RAB10: variants seen among roughly 807,000 people sequenced by gnomAD.
RAB10 encodes the protein RAB10, member RAS oncogene family.
In RAB10, 5 loss-of-function variants were observed where a neutral mutation model predicts 25.7. That is an observed-to-expected ratio of 0.19 (90% confidence interval 0.10 to 0.41). The LOEUF (loss-of-function observed/expected upper bound fraction) is 0.41, where lower values mean the gene tolerates loss of function less well. Ranked by LOEUF, RAB10 falls within the 10% of genes least tolerant of loss-of-function variation. RAB10 has a pLI of 1.00. For missense variants in RAB10, 103 were observed against 245.8 expected (o/e 0.42, Z 3.89); for synonymous variants, 89 against 86.4 (o/e 1.03, Z -0.16).
intron 3 of RAB10, among the ~76,000 whole-genome samples, chr2:26,112,850 G>A (rs937388316): frequency 4.6e-5 from 7 of 152,180 alleles, no homozygotes; most frequent in Non-Finnish European, 1.0e-4. Context: ...GGAGGCTGAG[G>A]CAGGCGGATC....
intron 3 of RAB10, 87 bp from the exon 4 acceptor site, chr2:26,127,057 C>T: frequency 9.9e-7 from 1 of 1,011,978 alleles, no homozygotes; most frequent in Non-Finnish European, 1.5e-6. Context: ...AAATGACCCT[C>T]TAAATTGAGA....
intron 1 of RAB10, among the ~76,000 whole-genome samples, chr2:26,049,029 C>G (rs1666076324): frequency 6.6e-6 from 1 of 152,124 alleles, no homozygotes; most frequent in African/African-American, 2.4e-5. Flanking sequence ...GGACTTTCCT[C>G]TCTTTTTGTG....
chr2:26,082,249 T>C (rs924135464), intron 1 of RAB10, among the ~76,000 whole-genome samples: 6 of 152,088 alleles, frequency 3.9e-5, no homozygotes, highest in Non-Finnish European at 8.8e-5. Context: ...TTAAAAGTGG[T>C]ATAATACCAT....
Position 26,070,904 on chromosome 2 carries a change from A to C in RAB10, c.128-27758A>C, listed in dbSNP as rs555980562. 6.6e-5 allele frequency among the ~76,000 whole-genome samples: 10 copies of C among 152,320 alleles called. No homozygotes were observed. In the East Asian group the frequency reaches 1.9e-3, roughly 29 times the overall value. On this transcript the variant is annotated intron_variant, in intron 1 of 5. Transcript: ENST00000264710. ...TTTGACCAGAAGGTCAAAACTTTTC[A>C]TAATAATTCTAAGACATTTGCCTTT...
intron 1 of RAB10, among the ~76,000 whole-genome samples, chr2:26,045,309 G>A (rs966047921): frequency 4.0e-5 from 6 of 150,962 alleles, no homozygotes; most frequent in Non-Finnish European, 8.8e-5. Context: ...GCACAATCTC[G>A]GCTCACTGCA....
intron 3 of RAB10, among the ~76,000 whole-genome samples, chr2:26,113,960 A>G (rs1191166883): frequency 6.6e-6 from 1 of 152,200 alleles, no homozygotes; most frequent in African/African-American, 2.4e-5. Flanking sequence ...TAACCTAAAA[A>G]TTACATTGAG....
intron 3 of RAB10, among the ~76,000 whole-genome samples, chr2:26,111,633 A>C (rs1667574807): frequency 6.6e-6 from 1 of 152,122 alleles, no homozygotes. Context: ...ACAAATCTTA[A>C]AACAAAAAAG....
chr2:26,128,391 G>A (rs1230958788), intron 5 of RAB10, among the ~76,000 whole-genome samples: 1 of 152,152 alleles, frequency 6.6e-6, no homozygotes, highest in Non-Finnish European at 1.5e-5. Context: ...CCACAGCCCC[G>A]GGGTTGGGGA....
intron 1 of RAB10, among the ~76,000 whole-genome samples, chr2:26,036,875 C>T (rs529951728): frequency 1.3e-5 from 2 of 152,016 alleles, no homozygotes; most frequent in South Asian, 2.1e-4. Flanking sequence ...CTGCAACCTC[C>T]GCCTCAGGGG....
intron 1 of RAB10, among the ~76,000 whole-genome samples, chr2:26,079,324 A>AC (rs1553726198): frequency 0.15 from 13,986 of 92,496 alleles, 761 homozygotes; most frequent in Non-Finnish European, 0.17. Flanking sequence ...CACACACACA[A>AC]ACACACACAC....
intron 1 of RAB10, among the ~76,000 whole-genome samples, chr2:26,088,753 T>A (rs1667041156): frequency 6.6e-6 from 1 of 151,992 alleles, no homozygotes; most frequent in Non-Finnish European, 1.5e-5. Context: ...GCCTCCTGAG[T>A]GGCTGGGATT....
At chr2:26,120,752 A>G (rs1667787333) in intron 3 of RAB10, among the ~76,000 whole-genome samples, 1 of 151,622 alleles carries the variant, frequency 6.6e-6, no homozygotes, top group Non-Finnish European at 1.5e-5. Flanking sequence ...CAACACACCC[A>G]GCTAATTTTT....
intron 1 of RAB10, among the ~76,000 whole-genome samples, chr2:26,088,612 G>T (rs1322069279): frequency 6.6e-6 from 1 of 151,362 alleles, no homozygotes; most frequent in African/African-American, 2.4e-5. Context: ...AGTTTAACTT[G>T]TCCCCCCACC....
chr2:26,060,067 A>G (rs1405341414), intron 1 of RAB10, among the ~76,000 whole-genome samples: 1 of 152,206 alleles, frequency 6.6e-6, no homozygotes, highest in African/African-American at 2.4e-5. Flanking sequence ...GATTACTTAT[A>G]ATGCCAGTCT....
At chr2:26,093,447 A>G (rs1455694467) in intron 1 of RAB10, among the ~76,000 whole-genome samples, 1 of 152,070 alleles carries the variant, frequency 6.6e-6, no homozygotes, top group African/African-American at 2.4e-5. Context: ...TAATTATCTC[A>G]TAATATATAT....
chr2:26,124,134 T>C (rs1667857485), intron 3 of RAB10, among the ~76,000 whole-genome samples: 1 of 152,160 alleles, frequency 6.6e-6, no homozygotes, highest in Non-Finnish European at 1.5e-5. Context: ...AGAATACATA[T>C]ATAAAATATG....
chr2:26,121,416 T>A (rs535019241), intron 3 of RAB10, among the ~76,000 whole-genome samples: 5 of 152,110 alleles, frequency 3.3e-5, no homozygotes, highest in Middle Eastern at 3.4e-3. Flanking sequence ...ACTCCAGGGG[T>A]CAAGTGATTC....
At chr2:26,050,156 T>C (rs1055615910) in intron 1 of RAB10, among the ~76,000 whole-genome samples, 6 of 152,224 alleles carry the variant, frequency 3.9e-5, no homozygotes, top group African/African-American at 1.4e-4. Context: ...AGCTTTTTGC[T>C]AAAAGGGTAC....
intron 2 of RAB10, among the ~76,000 whole-genome samples, chr2:26,107,154 G>T (rs991301092): frequency 1.3e-5 from 2 of 150,300 alleles, no homozygotes; most frequent in Admixed American, 6.6e-5. Flanking sequence ...GCTGAGGCAG[G>T]AGAATCTCTT....
Sources: gnomAD v4.1 joint callset for allele counts (sites outside exome capture counted in the v4.1 genomes callset) on GRCh38, gnomAD v4.1.1 for gene constraint, MANE v1.5 for transcripts, NCBI Gene and HGNC (gene_info 2026-07-23, HGNC 2026-07-21) for gene names.